PRRX1: variants seen among roughly 807,000 people sequenced by gnomAD.
PRRX1 encodes the protein paired related homeobox 1.
PRRX1 carries 8 observed loss-of-function variants against 24.0 expected under a neutral mutation model. The ratio of observed to expected loss-of-function variants is 0.33; its 90% CI spans 0.20 to 0.60. PRRX1 has a LOEUF of 0.60. Ranked by LOEUF, PRRX1 falls within the 20% of genes least tolerant of loss-of-function variation. The pLI is 0.82. For missense variants in PRRX1, 281 were observed against 322.4 expected, an observed-to-expected ratio of 0.87 and a Z score of 0.98; for synonymous variants, 160 against 131.7, an observed-to-expected ratio of 1.22 and a Z score of -1.47.
intron 2 of PRRX1, among the ~76,000 whole-genome samples, chr1:170,724,386 G>A (rs1171013529): frequency 6.6e-6 from 1 of 152,072 alleles, no homozygotes; most frequent in African/African-American, 2.4e-5. Flanking sequence ...GATATTGCCT[G>A]TATTTTCTTC....
chr1:170,678,733 G>T (rs1434047285), intron 1 of PRRX1, among the ~76,000 whole-genome samples: 1 of 152,110 alleles, frequency 6.6e-6, no homozygotes, highest in Non-Finnish European at 1.5e-5. Flanking sequence ...TTCTTCTTCT[G>T]TCTATGTCTC....
chr1:170,703,447 G>GTT (rs761677260), intron 1 of PRRX1, among the ~76,000 whole-genome samples: 4 of 152,134 alleles, frequency 2.6e-5, no homozygotes, highest in Non-Finnish European at 5.9e-5. Context: ...CTTAATAATT[G>GTT]TTTGTTATTC....
At chr1:170,721,250 G>A (rs1655076160) in intron 2 of PRRX1, among the ~76,000 whole-genome samples, 1 of 152,212 alleles carries the variant, frequency 6.6e-6, no homozygotes. Context: ...GCAAGATGCT[G>A]TTTTGATAAG....
chr1:170,719,775 T>C lies in PRRX1; in HGVS notation c.291T>C (p.Asn97=), dbSNP rs1188234376. The C allele has an allele frequency of 1.2e-6, 2 of 1,614,200 alleles. No homozygotes were observed. Among genetic ancestry groups the C allele is most frequent in the Non-Finnish European group, 1.7e-6 (2 of 1,180,038 alleles). ...EEKKKRKQRR[N]RTTFNSSQLQ... ...AAAAGAAGAGAAAGCAGCGAAGGAA[T>C]AGGACAACCTTCAATAGCAGCCAGC... is the stretch of plus-strand genomic sequence containing the variant. The change falls in exon 2 of 4, where the codon AAT becomes AAC. Residue 97 remains asparagine, a synonymous_variant. Coordinates refer to ENST00000239461, the MANE Select transcript of PRRX1 (RefSeq NM_022716.4).
chr1:170,677,524 G>A (rs1653365037), intron 1 of PRRX1, among the ~76,000 whole-genome samples: 1 of 152,162 alleles, frequency 6.6e-6, no homozygotes, highest in Non-Finnish European at 1.5e-5. Flanking sequence ...TGTCCACTGT[G>A]GCTTCCCAAA....
intron 1 of PRRX1, among the ~76,000 whole-genome samples, chr1:170,715,417 A>G (rs932516376): frequency 2.6e-5 from 4 of 152,216 alleles, no homozygotes; most frequent in Admixed American, 1.3e-4. Context: ...AAATATTTAC[A>G]GAGAAAATAT....
At chr1:170,694,227 T>C (rs766548515) in intron 1 of PRRX1, among the ~76,000 whole-genome samples, 22 of 152,226 alleles carry the variant, frequency 1.4e-4, no homozygotes, top group Non-Finnish European at 2.6e-4. Context: ...TTTTTTAAAA[T>C]GAATTTAGGA....
chr1:170,734,802 T>C (rs755030933), intron 3 of PRRX1, among the ~76,000 whole-genome samples: 22 of 152,312 alleles, frequency 1.4e-4, no homozygotes, highest in Non-Finnish European at 2.9e-4. Flanking sequence ...TAATTATTAG[T>C]AACTGAGCTG....
At chr1:170,734,673 A>G (rs1215565128) in intron 3 of PRRX1, among the ~76,000 whole-genome samples, 1 of 152,116 alleles carries the variant, frequency 6.6e-6, no homozygotes, top group Non-Finnish European at 1.5e-5. Context: ...GCACACACAC[A>G]CACACAGTCA....
Position 170,719,800 on chromosome 1 carries a change from C to A in PRRX1, c.316C>A (p.Leu106Met). 6.2e-7 allele frequency: 1 copy of A among 1,614,210 alleles called. No individual in the cohort carries two copies. Among genetic ancestry groups the A allele is most frequent in the South Asian group, 1.1e-5 (1 of 91,086 alleles). ...TAGGACAACCTTCAATAGCAGCCAG[C>A]TGCAGGCTTTGGAGCGTGTCTTTGA... ...RNRTTFNSSQ[L>M]QALERVFERT... The change falls in exon 2 of 4, where the codon CTG (leucine) becomes ATG (methionine). Residue 106 changes from leucine (L) to methionine (M), a missense_variant. By Grantham distance (15) the Leu-to-Met change is conservative. Transcript: ENST00000239461.
At chr1:170,710,063 G>T (rs1317450949) in intron 1 of PRRX1, among the ~76,000 whole-genome samples, 1 of 152,076 alleles carries the variant, frequency 6.6e-6, no homozygotes, top group Non-Finnish European at 1.5e-5. Flanking sequence ...TTTCAGTCTG[G>T]AGTTTATCCC....
At chr1:170,720,038 C>T (rs1450402334) in intron 2 of PRRX1, 137 bp downstream of exon 2, 4 of 1,167,928 alleles carry the variant, frequency 3.4e-6, no homozygotes. Flanking sequence ...GAGGTTGAGG[C>T]AGGCACATTG....
chr1:170,664,493 G>GC lies in PRRX1; in HGVS notation c.241+37dup, dbSNP rs1396650369. ...GGGGCGCATGCCCACGGGGGTGTGTGCCCGGGACAGAGGGCGGGGACCCGT... is the reference window on the plus strand; with the variant it reads ...GGGGCGCATGCCCACGGGGGTGTGTGCCCCGGGACAGAGGGCGGGGACCCGT... On this transcript the variant is annotated intron_variant, in intron 1 of 3. Transcript: ENST00000239461. The GC allele has an allele frequency of 4.4e-6, 7 of 1,574,992 alleles. No homozygotes were observed. The East Asian group carries it at 1.6e-4, about 36-fold the overall frequency.
At chr1:170,666,907 G>A (rs531237805) in intron 1 of PRRX1, among the ~76,000 whole-genome samples, 1 of 152,170 alleles carries the variant, frequency 6.6e-6, no homozygotes, top group East Asian at 1.9e-4. Flanking sequence ...GGCGACGCGC[G>A]GTGGCTGGGA....
At chr1:170,674,665 T>A (rs1653253285) in intron 1 of PRRX1, among the ~76,000 whole-genome samples, 1 of 152,164 alleles carries the variant, frequency 6.6e-6, no homozygotes, top group African/African-American at 2.4e-5. Context: ...AGCAAATTTT[T>A]TTTTTTTTGT....
intron 3 of PRRX1, among the ~76,000 whole-genome samples, chr1:170,733,820 G>A (rs1049751057): frequency 6.6e-6 from 1 of 152,090 alleles, no homozygotes; most frequent in African/African-American, 2.4e-5. Context: ...TATAGGTTTT[G>A]TGGGTTTACA....
intron 3 of PRRX1, chr1:170,726,850 AT>A (rs1655273218): frequency 6.5e-6 from 1 of 155,024 alleles, no homozygotes; most frequent in South Asian, 2.0e-4. Flanking sequence ...CTGGCTTTGA[AT>A]TAAAAAAAGG....
chr1:170,698,950 A>G (rs1185664062), intron 1 of PRRX1, among the ~76,000 whole-genome samples: 1 of 152,164 alleles, frequency 6.6e-6, no homozygotes, highest in Admixed American at 6.5e-5. Flanking sequence ...TTGGCTGCCA[A>G]GACTGTTATC....
intron 2 of PRRX1, among the ~76,000 whole-genome samples, chr1:170,724,872 G>A (rs534420073): frequency 1.6e-3 from 251 of 152,250 alleles, no homozygotes; most frequent in African/African-American, 5.3e-3. Context: ...TACTTTGGAT[G>A]TATAGCCATT....
Sources: allele counts gnomAD v4.1 joint callset (sites outside exome capture counted in the v4.1 genomes callset), GRCh38; gene constraint gnomAD v4.1.1; transcripts MANE v1.5; gene names NCBI Gene and HGNC (gene_info 2026-07-23, HGNC 2026-07-21).